TNRC6C: variants seen among roughly 807,000 people sequenced by gnomAD.
TNRC6C encodes trinucleotide repeat-containing gene 6C protein.
TNRC6C carries 20 observed loss-of-function variants against 153.7 expected under a neutral mutation model. The ratio of observed to expected loss-of-function variants is 0.13; its 90% CI spans 0.09 to 0.19. TNRC6C has a LOEUF of 0.19. Ranked by LOEUF, TNRC6C falls within the 10% of genes least tolerant of loss-of-function variation. TNRC6C has a pLI of 1.00. For missense variants in TNRC6C, 1,987 were observed against 2,172.0 expected (o/e 0.91, Z 1.69); for synonymous variants, 811 against 841.4 (o/e 0.96, Z 0.63).
At position 78,018,998 on chromosome 17, in the gene TNRC6C, TTC is replaced by T. The variant is rs139598639; in HGVS notation, c.-545-12516_-545-12515del. Among the ~76,000 whole-genome samples the T allele has an allele frequency of 8.9e-3, 1,360 of 152,260 alleles. 22 individuals carry two copies. The highest frequency in any genetic ancestry group is 0.03 in the African/African-American group (1,266 of 41,540). ...AGTAGGTAACAGAGCTCATTGCTGT[TTC>T]TGAGACTACATGTGGCAGTGTCAGG... On this transcript the variant is annotated intron_variant, in intron 1 of 19. Coordinates refer to ENST00000301624, the Ensembl canonical transcript of TNRC6C.
upstream of TNRC6C, among the ~76,000 whole-genome samples, chr17:77,958,385 C>G (rs1598631600): frequency 6.6e-6 from 1 of 152,030 alleles, no homozygotes; most frequent in East Asian, 1.9e-4. Flanking sequence ...AGGACTGGCG[C>G]GCGTCCCGGC....
Position 78,054,971 on chromosome 17 carries a change from A to G in TNRC6C, c.2395+3514A>G, listed in dbSNP as rs1354069870. Among the ~76,000 whole-genome samples, 6 of 152,134 alleles carry G rather than the reference A, an allele frequency of 3.9e-5. No individual in the cohort carries two copies. The East Asian group carries it at 1.2e-3, about 29-fold the overall frequency. On this transcript the variant is annotated intron_variant, in intron 3 of 19. Coordinates refer to ENST00000301624, the Ensembl canonical transcript of TNRC6C. Reference sequence around the variant, plus strand: ...ACGCTACCATACACCACTGCGGACTACTGTACGCTACCATACACCACTGCG... The same window carrying G: ...ACGCTACCATACACCACTGCGGACTGCTGTACGCTACCATACACCACTGCG...
intron 5 of TNRC6C, among the ~76,000 whole-genome samples, chr17:78,069,349 C>G (rs991659853): frequency 2.0e-5 from 3 of 152,134 alleles, no homozygotes; most frequent in Non-Finnish European, 4.4e-5. Flanking sequence ...CACTCAGAGA[C>G]ACCTGCCATT....
intron 1 of TNRC6C, among the ~76,000 whole-genome samples, chr17:77,980,234 C>G (rs142115047): frequency 0.011 from 1,685 of 152,274 alleles, 36 homozygotes; most frequent in African/African-American, 0.038. Flanking sequence ...CACACGTTTA[C>G]CTGTGTAACC....
At chr17:78,053,832 A>G (rs538457675) in intron 3 of TNRC6C, among the ~76,000 whole-genome samples, 220 of 152,230 alleles carry the variant, frequency 1.4e-3, no homozygotes, top group Non-Finnish European at 2.4e-3. Context: ...AGGAGTTCAA[A>G]GCCTGCCTGG....
intron 2 of TNRC6C, among the ~76,000 whole-genome samples, chr17:78,037,113 A>T (rs2072194841): frequency 6.6e-6 from 1 of 152,190 alleles, no homozygotes; most frequent in East Asian, 1.9e-4. Flanking sequence ...TTCTATAGAA[A>T]ATTGCAACCA....
chr17:77,960,161 A>G (rs2070850063), intron 1 of TNRC6C, among the ~76,000 whole-genome samples: 1 of 152,178 alleles, frequency 6.6e-6, no homozygotes, highest in Admixed American at 6.5e-5. Context: ...GAGTTGTCTC[A>G]AACCTTTGCC....
intron 1 of TNRC6C, among the ~76,000 whole-genome samples, chr17:78,009,827 A>G (rs1354714850): frequency 6.6e-6 from 1 of 152,166 alleles, no homozygotes; most frequent in African/African-American, 2.4e-5. Flanking sequence ...TGCTGGGATT[A>G]CAGGCGTGAG....
intron 1 of TNRC6C, among the ~76,000 whole-genome samples, chr17:78,005,308 T>G (rs563107559): frequency 6.6e-6 from 1 of 152,304 alleles, no homozygotes; most frequent in African/African-American, 2.4e-5. Flanking sequence ...ATATTAGCTT[T>G]CCAAACAATG....
chr17:78,077,049 C>A, intron 8 of TNRC6C, 136 bp from the exon 11 acceptor site: 1 of 947,234 alleles, frequency 1.1e-6, no homozygotes, highest in Non-Finnish European at 1.5e-6. Context: ...CACATGTTCT[C>A]CATTCCCTTA....
intron 1 of TNRC6C, among the ~76,000 whole-genome samples, chr17:78,013,622 T>A (rs1267448845): frequency 2.0e-5 from 3 of 152,192 alleles, no homozygotes. Context: ...TCAACCACAG[T>A]GATACATGTA....
At chr17:78,057,514 C>A (rs2072682511) in intron 3 of TNRC6C, among the ~76,000 whole-genome samples, 1 of 152,226 alleles carries the variant, frequency 6.6e-6, no homozygotes, top group Non-Finnish European at 1.5e-5. Context: ...GCCATCTGGG[C>A]AGTCAGGGTC....
chr17:78,033,142 G>T (rs1251895592), intron 2 of TNRC6C, among the ~76,000 whole-genome samples: 4 of 152,142 alleles, frequency 2.6e-5, no homozygotes, highest in African/African-American at 9.7e-5. Flanking sequence ...AAATGTAACA[G>T]CCCTGCCTGT....
intron 11 of TNRC6C, among the ~76,000 whole-genome samples, chr17:78,085,754 T>C (rs541315572): frequency 6.6e-6 from 1 of 152,250 alleles, no homozygotes; most frequent in East Asian, 1.9e-4. Flanking sequence ...TATTATTGAA[T>C]GATTTGGGAC....
At chr17:78,047,703 T>C (rs781258980) in intron 2 of TNRC6C, among the ~76,000 whole-genome samples, 25 of 152,226 alleles carry the variant, frequency 1.6e-4, no homozygotes, top group Non-Finnish European at 2.9e-4. Context: ...GAAAATATTT[T>C]ATTGCAGTTT....
chr17:78,009,608 G>C (rs1189415171), intron 1 of TNRC6C, among the ~76,000 whole-genome samples: 1 of 152,100 alleles, frequency 6.6e-6, no homozygotes, highest in Non-Finnish European at 1.5e-5. Flanking sequence ...AGGCTGGAAT[G>C]CAGTGGTGCA....
At chr17:77,966,455 A>T (rs1160969874) in intron 1 of TNRC6C, among the ~76,000 whole-genome samples, 1 of 152,254 alleles carries the variant, frequency 6.6e-6, no homozygotes, top group African/African-American at 2.4e-5. Flanking sequence ...ATAAAATAAT[A>T]CAAAATGATT....
chr17:78,010,945 G>A (rs551919317), intron 1 of TNRC6C, among the ~76,000 whole-genome samples: 123 of 152,312 alleles, frequency 8.1e-4, no homozygotes, highest in African/African-American at 2.6e-3. Flanking sequence ...TGAGCCTAGC[G>A]GCAAGGAAGC....
intron 2 of TNRC6C, among the ~76,000 whole-genome samples, chr17:78,033,566 G>C (rs1268010914): frequency 6.6e-6 from 1 of 152,122 alleles, no homozygotes; most frequent in African/African-American, 2.4e-5. Flanking sequence ...CTACTCGGGA[G>C]GCTGAGGCAG....
Sources: gnomAD v4.1 joint callset for allele counts (sites outside exome capture counted in the v4.1 genomes callset) on GRCh38, gnomAD v4.1.1 for gene constraint, MANE v1.5 for transcripts, NCBI Gene and HGNC (gene_info 2026-07-23, HGNC 2026-07-21) for gene names.